Variants in FAM50B observed in about 807,000 individuals in gnomAD.
FAM50B encodes protein FAM50B.
In FAM50B, 9 loss-of-function variants were observed where a neutral mutation model predicts 25.4. That is an observed-to-expected ratio of 0.35 (90% confidence interval 0.21 to 0.62). The LOEUF (loss-of-function observed/expected upper bound fraction) is 0.62, where lower values mean the gene tolerates loss of function less well. FAM50B is among the 20% of genes least tolerant of loss of function. The pLI is 0.73. For missense variants in FAM50B, 372 were observed against 477.9 expected, an observed-to-expected ratio of 0.78 and a Z score of 2.07; for synonymous variants, 212 against 204.3, an observed-to-expected ratio of 1.04 and a Z score of -0.32.
Position 3,850,811 on chromosome 6 carries a change from A to T in FAM50B, c.*22A>T. 1 of 1,608,308 alleles carries T rather than the reference A, an allele frequency of 6.2e-7. No individual in the cohort carries two copies. The highest frequency in any genetic ancestry group is 1.1e-5 in the South Asian group (1 of 90,814). Reference sequence around the variant, plus strand: ...CTAACACCCGCCTGCCAGAGCGGAAACCGGGGGTGGGGGGAGACACTCATT... The same window carrying T: ...CTAACACCCGCCTGCCAGAGCGGAATCCGGGGGTGGGGGGAGACACTCATT... On this transcript the variant is annotated 3_prime_UTR_variant, in exon 2 of 2. Transcript: ENST00000648326.
chr6:3,833,658 A>G, the FAM50B span: 1 of 152,264 alleles, frequency 6.6e-6, no homozygotes, highest in South Asian at 2.1e-4. Flanking sequence ...AAAAGCAAGA[A>G]GAAATTTATT....
In FAM50B at chr6:3,850,308, G is replaced by T; in HGVS notation, c.497G>T (p.Arg166Leu). Residue 166 changes from arginine to leucine, a missense_variant, in exon 2 of 2, where the codon CGA becomes CTA. By Grantham distance (102) the Arg-to-Leu change is moderately radical. Coordinates refer to ENST00000648326, the MANE Select transcript of FAM50B (RefSeq NM_012135.3). ...RDREEEENRLREELRQEWEAQ... is the reference protein window; with the variant it reads ...RDREEEENRLLEELRQEWEAQ... ...CGCGAGGAGGAGGAGAACCGGCTCC[G>T]AGAGGAGCTGCGCCAAGAGTGGGAG... is the stretch of plus-strand genomic sequence containing the variant. The T allele has an allele frequency of 6.2e-7, 1 of 1,613,278 alleles. No homozygotes were observed. The highest frequency in any genetic ancestry group is 8.5e-7 in the Non-Finnish European group (1 of 1,179,762).
the FAM50B span, among the ~76,000 whole-genome samples, chr6:3,836,194 C>G: frequency 1.6e-4 from 25 of 152,300 alleles, no homozygotes; most frequent in African/African-American, 5.8e-4. Flanking sequence ...TAGTTTTAAG[C>G]CTTACATCCT....
the FAM50B span, among the ~76,000 whole-genome samples, chr6:3,835,353 C>G: frequency 6.6e-6 from 1 of 152,336 alleles, no homozygotes; most frequent in Non-Finnish European, 1.5e-5. Flanking sequence ...CTGTAAGGCC[C>G]AGTGACAGCC....
chr6:3,847,791 T>C (rs1762139776), upstream of FAM50B, among the ~76,000 whole-genome samples: 1 of 152,240 alleles, frequency 6.6e-6, no homozygotes, highest in Admixed American at 6.5e-5. Context: ...GCCTTTGATT[T>C]AAAGTGAGAG....
chr6:3,838,588 A>G, the FAM50B span, among the ~76,000 whole-genome samples: 1 of 152,150 alleles, frequency 6.6e-6, no homozygotes, highest in Non-Finnish European at 1.5e-5. Context: ...TCACACCTGT[A>G]ATCCGAGCAC....
At chr6:3,838,255 G>T in the FAM50B span, among the ~76,000 whole-genome samples, 41 of 151,828 alleles carry the variant, frequency 2.7e-4, no homozygotes, top group Non-Finnish European at 5.4e-4. Flanking sequence ...AGGTTGCAGT[G>T]AGCTATGATT....
chr6:3,839,087 G>A, the FAM50B span, among the ~76,000 whole-genome samples: 1 of 151,582 alleles, frequency 6.6e-6, no homozygotes, highest in Admixed American at 6.6e-5. Context: ...TAAAGAAAAG[G>A]GGTCTATTTG....
At chr6:3,837,022 G>A in the FAM50B span, among the ~76,000 whole-genome samples, 1 of 152,168 alleles carries the variant, frequency 6.6e-6, no homozygotes, top group Non-Finnish European at 1.5e-5. Context: ...GTTAGAGGAA[G>A]TCCAACATTT....
chr6:3,849,538 C>G (rs1762171177), intron 1 of FAM50B, 52 bp downstream of exon 1: 1 of 475,404 alleles, frequency 2.1e-6, no homozygotes. Flanking sequence ...TCCCCAAATT[C>G]AGCGCTGCGC....
the FAM50B span, among the ~76,000 whole-genome samples, chr6:3,837,066 C>T: frequency 8.9e-4 from 135 of 152,186 alleles, no homozygotes; most frequent in Middle Eastern, 3.4e-3. Flanking sequence ...ACCTCACATC[C>T]TATATAAAAA....
At chr6:3,834,801 A>T in the FAM50B span, among the ~76,000 whole-genome samples, 25 of 152,236 alleles carry the variant, frequency 1.6e-4, no homozygotes, top group African/African-American at 6.0e-4. Context: ...TAGGCCTTTT[A>T]GTGTTACCAT....
chr6:3,844,199 C>T, the FAM50B span, among the ~76,000 whole-genome samples: 591 of 152,210 alleles, frequency 3.9e-3, 6 homozygotes, highest in African/African-American at 0.014. Flanking sequence ...AACACTGATG[C>T]TGTTTGCATA....
the FAM50B span, among the ~76,000 whole-genome samples, chr6:3,843,699 TATTGGC>T: frequency 1.1e-4 from 17 of 152,316 alleles, no homozygotes; most frequent in African/African-American, 4.1e-4. Flanking sequence ...CATGCCAAAA[TATTGGC>T]TTTCCACCAA....
chr6:3,850,713 A>G lies in FAM50B; in HGVS notation c.902A>G (p.Asn301Ser). 6.2e-7 allele frequency: 1 copy of G among 1,614,082 alleles called. No individual in the cohort carries two copies. Among genetic ancestry groups the G allele is most frequent in the Non-Finnish European group, 8.5e-7 (1 of 1,180,030 alleles). Residue 301 changes from asparagine to serine, a missense_variant, in exon 2 of 2, where the codon AAC (asparagine) becomes AGC (serine). Physicochemically the swap from Asn to Ser is conservative, Grantham distance 46. Transcript: ENST00000648326. ...GTGCTGCGCAGCTGGTACGAGAAGA[A>G]CAAGCACATCTTCCCCGCCAGCCGC... ...KVVLRSWYEKNKHIFPASRWE... is the reference protein window; with the variant it reads ...KVVLRSWYEKSKHIFPASRWE...
At position 3,850,223 on chromosome 6, in the gene FAM50B, C is replaced by G. The variant is rs373712054; in HGVS notation, c.412C>G (p.Arg138Gly). The G allele has an allele frequency of 6.2e-7, 1 of 1,613,270 alleles. No homozygotes were observed. The highest frequency in any genetic ancestry group is 1.1e-5 in the South Asian group (1 of 91,066). ...DDQADAAEAR[R>G]AGNLGKNPDV... ...CCAGGCCGACGCGGCCGAGGCCAGG[C>G]GCGCCGGAAACCTGGGCAAGAACCC... The change falls in exon 2 of 2, where the codon CGC becomes GGC. Residue 138 changes from arginine to glycine, a missense_variant. Arg to Gly is a moderately radical substitution (Grantham distance 125, BLOSUM62 -2). Transcript: ENST00000648326.
the FAM50B span, among the ~76,000 whole-genome samples, chr6:3,832,390 T>G: frequency 6.6e-6 from 1 of 152,218 alleles, no homozygotes; most frequent in East Asian, 1.9e-4. Context: ...AGACCTCTCA[T>G]GTCCCACTTA....
the FAM50B span, among the ~76,000 whole-genome samples, chr6:3,842,505 C>A: frequency 6.6e-6 from 1 of 152,320 alleles, no homozygotes; most frequent in Admixed American, 6.5e-5. Flanking sequence ...ATACTCTTTT[C>A]TATGTAGGCA....
the FAM50B span, among the ~76,000 whole-genome samples, chr6:3,841,321 T>A: frequency 6.6e-6 from 1 of 152,226 alleles, no homozygotes; most frequent in Non-Finnish European, 1.5e-5. Context: ...AGGATCACGA[T>A]AGCTCTGGGA....
Sources: allele counts gnomAD v4.1 joint callset (sites outside exome capture counted in the v4.1 genomes callset), GRCh38; gene constraint gnomAD v4.1.1; transcripts MANE v1.5; gene names NCBI Gene and HGNC (gene_info 2026-07-23, HGNC 2026-07-21).